TP63: variants seen among roughly 807,000 people sequenced by gnomAD.
The protein encoded by TP63 is tumor protein 63.
A neutral mutation model predicts 82.8 loss-of-function variants in TP63; 17 were observed. That is an observed-to-expected ratio of 0.21 (90% CI 0.14 to 0.31). The LOEUF is 0.31. Ranked by LOEUF, TP63 falls within the 10% of genes least tolerant of loss-of-function variation. TP63 has a pLI of 1.00. For synonymous variants in TP63, 330 were observed against 321.7 expected (o/e 1.03, Z -0.28); for missense variants, 648 against 895.3 (o/e 0.72, Z 3.52).
At chr3:189,799,112 T>C (rs978578954) in intron 3 of TP63, among the ~76,000 whole-genome samples, 8 of 152,230 alleles carry the variant, frequency 5.3e-5, no homozygotes, top group Middle Eastern at 3.4e-3. Context: ...AGTTTTCCAG[T>C]TGCAAATAAA....
At chr3:189,832,307 C>T (rs1166775406) in intron 4 of TP63, among the ~76,000 whole-genome samples, 1 of 152,092 alleles carries the variant, frequency 6.6e-6, no homozygotes, top group African/African-American at 2.4e-5. Context: ...ACCCCAGGGA[C>T]TGACAGATGG....
At chr3:189,660,848 A>G (rs1713815418) in intron 1 of TP63, among the ~76,000 whole-genome samples, 1 of 26,714 alleles carries the variant, frequency 3.7e-5, no homozygotes, top group South Asian at 2.9e-3. Context: ...TGCATTCTTG[A>G]TTTGCTCTCA....
the TP63 span, among the ~76,000 whole-genome samples, chr3:189,612,096 C>T: frequency 3.3e-5 from 5 of 152,086 alleles, no homozygotes; most frequent in African/African-American, 4.8e-5. Flanking sequence ...GCCTTGTTCT[C>T]TTTCTATATG....
intron 10 of TP63, chr3:189,881,595 A>G: frequency 1.2e-5 from 10 of 848,826 alleles, no homozygotes; most frequent in Non-Finnish European, 1.4e-5. Flanking sequence ...AGGTCTAAGG[A>G]ACAAGAATAA....
intron 4 of TP63, among the ~76,000 whole-genome samples, chr3:189,852,714 C>T (rs994967009): frequency 4.6e-5 from 7 of 152,174 alleles, no homozygotes; most frequent in Non-Finnish European, 1.0e-4. Flanking sequence ...GGTCTTTCCC[C>T]TACCTTATAA....
intron 1 of TP63, among the ~76,000 whole-genome samples, chr3:189,714,283 A>G (rs1472613801): frequency 2.6e-5 from 4 of 152,214 alleles, no homozygotes; most frequent in Non-Finnish European, 5.9e-5. Context: ...CTTTTGGGAA[A>G]GTGATCATGT....
chr3:189,810,324 G>T (rs1450133179), intron 4 of TP63, among the ~76,000 whole-genome samples: 1 of 152,086 alleles, frequency 6.6e-6, no homozygotes, highest in South Asian at 2.1e-4. Context: ...GTCACCAACC[G>T]GACATTTACA....
chr3:189,599,514 C>A, the TP63 span, among the ~76,000 whole-genome samples: 1 of 152,158 alleles, frequency 6.6e-6, no homozygotes, highest in Non-Finnish European at 1.5e-5. Context: ...AATATTCTTT[C>A]TTACAAGAGT....
chr3:189,883,457 A>G (rs1347838386), intron 10 of TP63, among the ~76,000 whole-genome samples: 1 of 152,196 alleles, frequency 6.6e-6, no homozygotes, highest in African/African-American at 2.4e-5. Context: ...TTAAGAATCC[A>G]ACTCACCTCT....
intron 3 of TP63, among the ~76,000 whole-genome samples, chr3:189,791,563 A>T (rs1007618086): frequency 6.6e-6 from 1 of 152,122 alleles, no homozygotes; most frequent in African/African-American, 2.4e-5. Flanking sequence ...TACAAAAGGC[A>T]TCCCTTGTCT....
intron 1 of TP63, among the ~76,000 whole-genome samples, chr3:189,673,781 G>A (rs1386098970): frequency 6.6e-6 from 1 of 152,066 alleles, no homozygotes; most frequent in Non-Finnish European, 1.5e-5. Context: ...AATTTACTTA[G>A]CTTAAACTCA....
intron 1 of TP63, among the ~76,000 whole-genome samples, chr3:189,734,517 G>A (rs1432768341): frequency 6.6e-6 from 1 of 152,086 alleles, no homozygotes; most frequent in Non-Finnish European, 1.5e-5. Context: ...AGTGGTATAA[G>A]CTGGAGATAA....
chr3:189,799,053 T>C (rs1726013590), intron 3 of TP63, among the ~76,000 whole-genome samples: 1 of 152,126 alleles, frequency 6.6e-6, no homozygotes, highest in South Asian at 2.1e-4. Context: ...CCCGCTTGAA[T>C]GCCTATAGTC....
At chr3:189,728,796 C>T (rs902068463) in intron 1 of TP63, among the ~76,000 whole-genome samples, 9 of 152,114 alleles carry the variant, frequency 5.9e-5, no homozygotes, top group Non-Finnish European at 1.2e-4. Flanking sequence ...ATGAGACTCA[C>T]GCATTTTCAG....
chr3:189,735,222 G>A (rs1240190933), intron 1 of TP63, among the ~76,000 whole-genome samples: 1 of 152,122 alleles, frequency 6.6e-6, no homozygotes, highest in Admixed American at 6.5e-5. Context: ...TCTAAGTGGA[G>A]CCCCACGTGC....
In TP63 at chr3:189,843,989, C is replaced by T. The variant is rs188939068; in HGVS notation, c.580-20243C>T. ...CTTGAAAGATATTAGTGTTTTCAAT[C>T]TAACCACTTAAAGCTGACTTCTCAA... On this transcript the variant is annotated intron_variant, in intron 4 of 13. Coordinates refer to ENST00000264731, the MANE Select transcript of TP63 (RefSeq NM_003722.5). Among the ~76,000 whole-genome samples, 10 of 152,262 alleles carry T rather than the reference C, an allele frequency of 6.6e-5. No individual in the cohort carries two copies. In the East Asian group the frequency reaches 1.9e-3, roughly 29 times the overall value.
chr3:189,605,172 A>G, the TP63 span, among the ~76,000 whole-genome samples: 1 of 152,226 alleles, frequency 6.6e-6, no homozygotes, highest in South Asian at 2.1e-4. Flanking sequence ...ACAATAAAAA[A>G]CAAAATGCCT....
chr3:189,894,833 T>C lies in TP63; in HGVS notation c.*331T>C. ...TGTTCACCCTTATAGTCTAAGACTATATATATAAATGTATAAATATACAGT... is the reference window on the plus strand; with the variant it reads ...TGTTCACCCTTATAGTCTAAGACTACATATATAAATGTATAAATATACAGT... On this transcript the variant is annotated 3_prime_UTR_variant, in exon 14 of 14. Coordinates refer to ENST00000264731, the MANE Select transcript of TP63 (RefSeq NM_003722.5). 1 of 299,842 alleles carries C rather than the reference T, an allele frequency of 3.3e-6. No homozygotes were observed. The highest frequency in any genetic ancestry group is 7.6e-5 in the South Asian group (1 of 13,078). 18.6% of individuals were successfully genotyped at this position (299,842 alleles called of 1,614,324 possible). A position where few individuals can be genotyped will look rare whatever the true frequency, so the allele number is the denominator to read the frequency against.
At chr3:189,663,584 G>A (rs1364643802) in intron 1 of TP63, among the ~76,000 whole-genome samples, 3 of 125,988 alleles carry the variant, frequency 2.4e-5, no homozygotes, top group African/African-American at 8.7e-5. Context: ...CTGGAGTTCG[G>A]CAGTACAATC....
Sources: gnomAD v4.1 joint callset for allele counts (sites outside exome capture counted in the v4.1 genomes callset) on GRCh38, gnomAD v4.1.1 for gene constraint, MANE v1.5 for transcripts, NCBI Gene and HGNC (gene_info 2026-07-23, HGNC 2026-07-21) for gene names.